The following STXBP4 variants were observed in gnomAD, a reference collection of about 807,000 sequenced individuals.
The protein encoded by STXBP4 is syntaxin-binding protein 4.
Under a neutral mutation model 76.1 loss-of-function variants are expected in STXBP4, and 55 were observed. The ratio of observed to expected loss-of-function variants is 0.72; its 90% confidence interval spans 0.58 to 0.91. STXBP4 has a LOEUF of 0.91. Ranked by LOEUF, STXBP4 falls within the 40% of genes least tolerant of loss-of-function variation. The probability of loss-of-function intolerance (pLI) is 0.00; values close to 1 mark genes in which losing one functional copy is unlikely to be tolerated. For missense variants in STXBP4, 618 were observed against 636.9 expected (o/e 0.97, Z 0.32); for synonymous variants, 201 against 220.2 (o/e 0.91, Z 0.77).
At chr17:55,037,531 A>G (rs898667573) in intron 10 of STXBP4, among the ~76,000 whole-genome samples, 2 of 152,196 alleles carry the variant, frequency 1.3e-5, no homozygotes, top group African/African-American at 4.8e-5. Context: ...TTTGACAGCA[A>G]AAGCAAAGCG....
At chr17:55,130,968 C>T (rs1004500991) in intron 16 of STXBP4, among the ~76,000 whole-genome samples, 5 of 152,114 alleles carry the variant, frequency 3.3e-5, no homozygotes, top group South Asian at 2.1e-4. Flanking sequence ...GGAGTAATGC[C>T]GTAACTAACA....
At chr17:55,124,358 G>A (rs900964587) in intron 16 of STXBP4, among the ~76,000 whole-genome samples, 33 of 152,166 alleles carry the variant, frequency 2.2e-4, no homozygotes, top group Admixed American at 6.5e-5. Context: ...TGTTTTGGAA[G>A]GCATGACCCT....
chr17:55,113,036 A>G (rs2079739466), intron 16 of STXBP4, among the ~76,000 whole-genome samples: 1 of 152,152 alleles, frequency 6.6e-6, no homozygotes, highest in Non-Finnish European at 1.5e-5. Flanking sequence ...ACCATTTTGA[A>G]TGTCAATTTA....
chr17:55,138,564 C>T (rs73310435), intron 16 of STXBP4, among the ~76,000 whole-genome samples: 2,487 of 152,064 alleles, frequency 0.016, 70 homozygotes, highest in African/African-American at 0.057. Flanking sequence ...GGTTCATAGA[C>T]AATACTTCTA....
intron 16 of STXBP4, among the ~76,000 whole-genome samples, chr17:55,094,940 A>G (rs1359859954): frequency 1.3e-5 from 2 of 152,344 alleles, no homozygotes; most frequent in African/African-American, 2.4e-5. Context: ...GAGTTTTCAC[A>G]GAAGATCATT....
chr17:55,013,511 A>C (rs1229610300), intron 8 of STXBP4, among the ~76,000 whole-genome samples: 1 of 152,246 alleles, frequency 6.6e-6, no homozygotes, highest in Non-Finnish European at 1.5e-5. Context: ...GATGAGGATA[A>C]GCCAGTATAG....
intron 2 of STXBP4, 67 bp from the exon 3 acceptor site, chr17:54,986,075 G>T: frequency 1.5e-6 from 1 of 688,952 alleles, no homozygotes; most frequent in Admixed American, 2.9e-5. Context: ...ATGTTTTTAT[G>T]AACAGTTGGA....
intron 7 of STXBP4, among the ~76,000 whole-genome samples, chr17:55,006,011 A>T (rs552991187): frequency 2.0e-5 from 3 of 152,166 alleles, no homozygotes; most frequent in Admixed American, 1.3e-4. Context: ...ATATGTATAT[A>T]TGTATATGTG....
At chr17:55,138,211 A>G (rs2080056906) in intron 16 of STXBP4, among the ~76,000 whole-genome samples, 1 of 152,058 alleles carries the variant, frequency 6.6e-6, no homozygotes, top group South Asian at 2.1e-4. Context: ...CATATGATCA[A>G]GGGTCATGTC....
intron 17 of STXBP4, among the ~76,000 whole-genome samples, chr17:55,157,439 C>T (rs1486734078): frequency 6.6e-6 from 1 of 152,066 alleles, no homozygotes; most frequent in Admixed American, 6.6e-5. Context: ...TAACCTGTGC[C>T]GAATCAAATA....
chr17:55,097,905 A>G (rs1236773837), intron 16 of STXBP4, among the ~76,000 whole-genome samples: 1 of 152,134 alleles, frequency 6.6e-6, no homozygotes, highest in Non-Finnish European at 1.5e-5. Context: ...GATATCACCA[A>G]TCCATAGGGT....
chr17:55,204,696 G>A, the STXBP4 span, among the ~76,000 whole-genome samples: 1 of 152,040 alleles, frequency 6.6e-6, no homozygotes, highest in East Asian at 1.9e-4. Context: ...ACTCTAATTA[G>A]TTTTTCAGGC....
At chr17:54,999,910 G>T in intron 6 of STXBP4, 68 bp downstream of exon 6, 1 of 1,004,768 alleles carries the variant, frequency 1.0e-6, no homozygotes, top group Non-Finnish European at 1.5e-6. Flanking sequence ...TTTTACATTG[G>T]TTATGTACAT....
chr17:55,083,854 C>A (rs117717500), intron 16 of STXBP4, among the ~76,000 whole-genome samples: 1 of 152,146 alleles, frequency 6.6e-6, no homozygotes, highest in African/African-American at 2.4e-5. Flanking sequence ...CACACAGCCT[C>A]GCTTTCACCA....
chr17:55,205,292 T>C, the STXBP4 span, among the ~76,000 whole-genome samples: 1 of 151,930 alleles, frequency 6.6e-6, no homozygotes, highest in East Asian at 1.9e-4. Flanking sequence ...TATAGTACTT[T>C]TTAAATATTA....
Position 55,165,584 on chromosome 17 carries a change from A to G in STXBP4, c.*5673A>G, listed in dbSNP as rs542932750. On this transcript the variant is annotated 3_prime_UTR_variant, in exon 18 of 18. Coordinates refer to ENST00000376352, the MANE Select transcript of STXBP4 (RefSeq NM_178509.6). The stretch of plus-strand genomic sequence containing the variant: ...CCACATGTTCTCTCAATGGAAATCA[A>G]TTCGGACAATAACATTAGACCATCT... 3.7e-4 allele frequency: 57 copies of G among 152,374 alleles called. No individual in the cohort carries two copies. Among genetic ancestry groups the G allele is most frequent in the African/African-American group, 1.3e-3 (54 of 41,584 alleles). The allele number at this position is 152,374 out of a possible 1,614,324, so 9.4% of individuals were successfully genotyped here.
chr17:55,174,930 A>C (rs533977920), downstream of STXBP4, among the ~76,000 whole-genome samples: 1 of 152,112 alleles, frequency 6.6e-6, no homozygotes, highest in South Asian at 2.1e-4. Flanking sequence ...AGGCTGAGGC[A>C]GGAGAACGGC....
At chr17:55,041,463 C>T (rs1255492579) in intron 10 of STXBP4, among the ~76,000 whole-genome samples, 1 of 152,136 alleles carries the variant, frequency 6.6e-6, no homozygotes, top group Non-Finnish European at 1.5e-5. Context: ...AGCAATCCTC[C>T]AGCCTCGGCC....
chr17:55,037,253 AC>A (rs1567731140), intron 10 of STXBP4, among the ~76,000 whole-genome samples: 21 of 152,130 alleles, frequency 1.4e-4, no homozygotes. Context: ...ATTGTTTTTT[AC>A]TGCCAAACAG....
Sources: allele counts gnomAD v4.1 joint callset (sites outside exome capture counted in the v4.1 genomes callset), GRCh38; gene constraint gnomAD v4.1.1; transcripts MANE v1.5; gene names NCBI Gene and HGNC (gene_info 2026-07-23, HGNC 2026-07-21).